The following CLIP1 variants were observed in gnomAD, a reference collection of about 807,000 sequenced individuals.
CLIP1 encodes the protein CAP-Gly domain containing linker protein 1.
Under a neutral mutation model 161.6 loss-of-function variants are expected in CLIP1, and 66 were observed. That is an observed-to-expected ratio of 0.41 (90% CI 0.33 to 0.50). The LOEUF is 0.50. Ranked by LOEUF, CLIP1 falls within the 20% of genes least tolerant of loss-of-function variation. The pLI is 0.27. For missense variants in CLIP1, 1,376 were observed against 1,702.0 expected, an observed-to-expected ratio of 0.81 and a Z score of 3.37; for synonymous variants, 598 against 626.2, an observed-to-expected ratio of 0.96 and a Z score of 0.67.
intron 20 of CLIP1, among the ~76,000 whole-genome samples, chr12:122,296,497 T>C (rs1365966195): frequency 6.6e-6 from 1 of 152,172 alleles, no homozygotes; most frequent in Non-Finnish European, 1.5e-5. Context: ...AAATATACCA[T>C]TTATAATGTA....
At chr12:122,387,575 TATATATATATATATA>T (rs1462215909) in intron 1 of CLIP1, among the ~76,000 whole-genome samples, 1 of 4,110 alleles carries the variant, frequency 2.4e-4, no homozygotes, top group African/African-American at 4.5e-4. Flanking sequence ...TATATATATA[TATATATATATATATA>T]TTTTTTTTTT....
chr12:122,384,555 A>G (rs10773108), intron 1 of CLIP1, among the ~76,000 whole-genome samples: 80,662 of 151,678 alleles, frequency 0.53, 23,433 homozygotes, highest in Non-Finnish European at 0.64. Context: ...TGAGGTCAGG[A>G]GTTCGAAACC....
intron 17 of CLIP1, 49 bp from the exon 18 acceptor site, chr12:122,319,397 C>G (rs927703572): frequency 1.4e-6 from 2 of 1,393,566 alleles, no homozygotes; most frequent in Admixed American, 1.7e-5. Flanking sequence ...CTCGCCAACA[C>G]CGTTAGGTGA....
chr12:122,328,595 GTTTT>G (rs370741207), intron 15 of CLIP1, among the ~76,000 whole-genome samples, 169 bp from the exon 16 acceptor site: 5 of 148,552 alleles, frequency 3.4e-5, no homozygotes, highest in South Asian at 2.1e-4. Context: ...GTTTTGTTTT[GTTTT>G]GGGGGGGCGG....
chr12:122,276,621 G>T, intron 24 of CLIP1: 1 of 440,990 alleles, frequency 2.3e-6, no homozygotes, highest in Non-Finnish European at 3.6e-6. Flanking sequence ...GAGGTGTCTG[G>T]CAACTAACAT....
At chr12:122,360,935 C>A in intron 5 of CLIP1, 24 bp downstream of exon 5, 1 of 1,582,028 alleles carries the variant, frequency 6.3e-7, no homozygotes, top group Non-Finnish European at 8.6e-7. Flanking sequence ...GAAGTGGAGG[C>A]AGGTAGTGAG....
At position 122,310,029 on chromosome 12, in the gene CLIP1, A is replaced by G. The variant is rs73404040; in HGVS notation, c.3474-147T>C. 5.9e-3 allele frequency: 5,014 copies of G among 848,368 alleles called. 97 individuals carry two copies. Among genetic ancestry groups the G allele is most frequent in the African/African-American group, 0.05 (2,929 of 58,676 alleles). The allele number at this position is 848,368 out of a possible 1,614,324, so 52.6% of individuals were successfully genotyped here. A position where few individuals can be genotyped will look rare whatever the true frequency, so the allele number is the denominator to read the frequency against. On this transcript the variant is annotated intron_variant, in intron 19 of 25. Transcript: ENST00000620786. ...AATAACAGCAGACAGTATTATCTAC[A>G]TGCAGAAGGGGTTAAATGGCCATAA...
intron 1 of CLIP1, among the ~76,000 whole-genome samples, chr12:122,387,951 T>G (rs1593221762): frequency 6.6e-6 from 1 of 152,074 alleles, no homozygotes; most frequent in East Asian, 1.9e-4. Flanking sequence ...ATATGGTAAA[T>G]ATTAACAGCT....
chr12:122,363,269 A>C (rs1333285866), intron 4 of CLIP1, among the ~76,000 whole-genome samples: 1 of 152,136 alleles, frequency 6.6e-6, no homozygotes, highest in Non-Finnish European at 1.5e-5. Flanking sequence ...GGAGACCAAG[A>C]CAGGTGGATC....
At chr12:122,405,625 C>T (rs1297566584) in intron 1 of CLIP1, among the ~76,000 whole-genome samples, 1 of 151,380 alleles carries the variant, frequency 6.6e-6, no homozygotes, top group Non-Finnish European at 1.5e-5. Flanking sequence ...CCCATCTTTA[C>T]TAAAATACAA....
intron 17 of CLIP1, among the ~76,000 whole-genome samples, chr12:122,320,468 G>A (rs752377316): frequency 1.3e-5 from 2 of 151,732 alleles, no homozygotes; most frequent in Non-Finnish European, 1.5e-5. Flanking sequence ...CAGGCCAGGC[G>A]CAGTGGCTCA....
intron 1 of CLIP1, among the ~76,000 whole-genome samples, chr12:122,398,787 T>A (rs923205916): frequency 3.3e-5 from 5 of 151,880 alleles, no homozygotes; most frequent in Non-Finnish European, 7.4e-5. Context: ...GGTGGGAGGA[T>A]CGCTTGAGCC....
intron 21 of CLIP1, among the ~76,000 whole-genome samples, chr12:122,287,688 T>A (rs1955913651): frequency 6.6e-6 from 1 of 152,246 alleles, no homozygotes; most frequent in Admixed American, 6.5e-5. Context: ...ATGTTCTTCC[T>A]TATTGGAAAG....
rs1954004239 is a variant in CLIP1, at chr12:122,363,967, A to T, written c.782+16T>A. ...GTACAAGAGTGACACAAGATGTTGC[A>T]CAACGCCAAACAAACCTTGTTCCAG... On this transcript the variant is annotated intron_variant, in intron 4 of 25. Coordinates refer to ENST00000620786, the MANE Select transcript of CLIP1 (RefSeq NM_001247997.2). The T allele has an allele frequency of 6.2e-7, 1 of 1,613,740 alleles. No individual in the cohort carries two copies. The highest frequency in any genetic ancestry group is 1.7e-5 in the Admixed American group (1 of 60,012).
intron 20 of CLIP1, among the ~76,000 whole-genome samples, chr12:122,291,950 T>G (rs535121761): frequency 6.6e-6 from 1 of 152,268 alleles, no homozygotes; most frequent in South Asian, 2.1e-4. Context: ...CCATTAAATA[T>G]TAGTTGGCCT....
At chr12:122,413,868 T>G (rs1044544676) in intron 1 of CLIP1, among the ~76,000 whole-genome samples, 5 of 148,130 alleles carry the variant, frequency 3.4e-5, no homozygotes, top group African/African-American at 1.3e-4. Context: ...CATATGGAGA[T>G]TAAAAGAAAA....
intron 24 of CLIP1, chr12:122,276,771 C>T (rs1773856694): frequency 4.6e-6 from 1 of 219,730 alleles, no homozygotes; most frequent in African/African-American, 2.3e-5. Flanking sequence ...TTTCCAAGTA[C>T]AGAATAGTTT....
At chr12:122,328,863 G>A (rs1285471496) in intron 15 of CLIP1, among the ~76,000 whole-genome samples, 1 of 152,186 alleles carries the variant, frequency 6.6e-6, no homozygotes, top group Non-Finnish European at 1.5e-5. Context: ...TTACAGGCGT[G>A]AGCCACCATG....
At chr12:122,326,415 C>G (rs1017193868) in intron 17 of CLIP1, among the ~76,000 whole-genome samples, 6 of 152,214 alleles carry the variant, frequency 3.9e-5, no homozygotes, top group Admixed American at 3.9e-4. Context: ...AACGATGAAT[C>G]ACGCCTGCAA....
Sources: allele counts gnomAD v4.1 joint callset (sites outside exome capture counted in the v4.1 genomes callset), GRCh38; gene constraint gnomAD v4.1.1; transcripts MANE v1.5; gene names NCBI Gene and HGNC (gene_info 2026-07-23, HGNC 2026-07-21).